The following ALG12 variants were observed in gnomAD, a reference collection of about 807,000 sequenced individuals.
ALG12 encodes ALG12 alpha-1,6-mannosyltransferase, also known as dol-P-Man:Man(7)GlcNAc(2)-PP-Dol alpha-1,6-mannosyltransferase.
Under a neutral mutation model 46.0 loss-of-function variants are expected in ALG12, and 36 were observed. The ratio of observed to expected loss-of-function variants is 0.78; its 90% CI spans 0.60 to 1.03. The LOEUF (loss-of-function observed/expected upper bound fraction) is 1.03. ALG12 is among the 50% of genes least tolerant of loss of function. The pLI is 0.00. For missense variants in ALG12, 599 were observed against 633.5 expected (o/e 0.95, Z 0.58); for synonymous variants, 326 against 291.6 (o/e 1.12, Z -1.20).
At chr22:49,879,420 C>T in the ALG12 span, among the ~76,000 whole-genome samples, 1 of 151,992 alleles carries the variant, frequency 6.6e-6, no homozygotes, top group African/African-American at 2.4e-5. Flanking sequence ...AGCCACCAAA[C>T]CCAGCCTAAT....
chr22:49,911,735 G>C (rs1366810198), intron 3 of ALG12, among the ~76,000 whole-genome samples: 2 of 152,154 alleles, frequency 1.3e-5, no homozygotes, highest in Non-Finnish European at 2.9e-5. Context: ...TGCCCAGTCT[G>C]AATGTCTTAA....
the ALG12 span, among the ~76,000 whole-genome samples, chr22:49,876,427 TTGCTTCG>T: frequency 8.5e-5 from 13 of 152,228 alleles, no homozygotes; most frequent in Non-Finnish European, 1.9e-4. Flanking sequence ...TCTCTCAGCT[TTGCTTCG>T]TGGTTTTGAA....
chr22:49,859,872 C>T, the ALG12 span, among the ~76,000 whole-genome samples: 7 of 151,744 alleles, frequency 4.6e-5, no homozygotes, highest in Non-Finnish European at 1.0e-4. Context: ...CAAAAACATA[C>T]AGAAATCAGC....
At chr22:49,886,116 C>T in the ALG12 span, 19 of 681,326 alleles carry the variant, frequency 2.8e-5, no homozygotes, top group Non-Finnish European at 4.3e-5. This position sits in a 1 kb window ranked among gnomAD's most constrained non-coding sequence, Gnocchi z 7.7. Flanking sequence ...AGACGCTGAA[C>T]GAGGGGGAGC....
Position 49,904,492 on chromosome 22 carries a change from TTA to T in ALG12, c.1005_1006del (p.Tyr335Ter). ...CCCCGCTTTGTACAGCCAAGACTTT[TTA>T]TAGTTATTCAGCCTGAAAAAAGAAT... On this transcript the variant is annotated stop_gained and frameshift_variant, in exon 8 of 10. Transcript: ENST00000330817. LOFTEE classifies it high-confidence loss of function. The T allele has an allele frequency of 1.9e-6, 3 of 1,614,176 alleles. No homozygotes were observed. Among genetic ancestry groups the T allele is most frequent in the Non-Finnish European group, 2.5e-6 (3 of 1,180,022 alleles).
chr22:49,910,546 T>C lies in ALG12; in HGVS notation c.357A>G (p.Arg119=), dbSNP rs775130897. 3.7e-6 allele frequency: 6 copies of C among 1,613,994 alleles called. No individual in the cohort carries two copies. Among genetic ancestry groups the C allele is most frequent in the African/African-American group, 1.3e-5 (1 of 74,926 alleles). Residue 119 remains arginine, a synonymous_variant, in exon 4 of 10, where the codon AGA becomes AGG. Transcript: ENST00000330817. ...FGLWTLQKEV[R]RHFGAMVATM... ...TGGCCACCATGGCCCCGAAGTGCCGTCTCACTTCCTTTTGTAACGTCCAGA... is the reference window on the plus strand; with the variant it reads ...TGGCCACCATGGCCCCGAAGTGCCGCCTCACTTCCTTTTGTAACGTCCAGA...
the ALG12 span, among the ~76,000 whole-genome samples, chr22:49,864,664 T>G: frequency 6.6e-6 from 1 of 151,628 alleles, no homozygotes; most frequent in Non-Finnish European, 1.5e-5. Context: ...AAAAAATGTT[T>G]TAAAATATTA....
At chr22:49,866,202 C>T in the ALG12 span, among the ~76,000 whole-genome samples, 2 of 152,058 alleles carry the variant, frequency 1.3e-5, no homozygotes, top group Admixed American at 6.5e-5. Flanking sequence ...TTTTCTCAGT[C>T]CCTTTCACTA....
chr22:49,863,306 C>T, the ALG12 span, among the ~76,000 whole-genome samples: 19 of 152,248 alleles, frequency 1.2e-4, no homozygotes, highest in South Asian at 2.1e-4. Context: ...ACCACAGGCA[C>T]GCATCACCAC....
the ALG12 span, chr22:49,886,092 C>T: frequency 1.8e-3 from 1,234 of 680,536 alleles, 9 homozygotes; most frequent in African/African-American, 0.018. The surrounding 1 kb of genome is among the most constrained non-coding windows in gnomAD (Gnocchi z 7.7). Context: ...TCACCGACAA[C>T]GCCAGCATCG....
At chr22:49,910,720 CA>C in intron 3 of ALG12, 113 bp from the exon 4 acceptor site, 2 of 1,274,868 alleles carry the variant, frequency 1.6e-6, no homozygotes, top group Admixed American at 3.5e-5. Context: ...TATGCTGCTG[CA>C]ATGCCAGCTG....
intron 7 of ALG12, 108 bp from the exon 8 acceptor site, chr22:49,904,614 A>G (rs905439818): frequency 2.5e-5 from 32 of 1,293,276 alleles, no homozygotes; most frequent in Non-Finnish European, 3.2e-5. Context: ...TCACCAAGTC[A>G]TAACAAAGAG....
chr22:49,917,705 C>CT (rs111244256), intron 1 of ALG12, among the ~76,000 whole-genome samples: 10,094 of 143,256 alleles, frequency 0.07, 675 homozygotes, highest in African/African-American at 0.17. Flanking sequence ...TCAGATGTTA[C>CT]TTTTTTTTTT....
Position 49,904,384 on chromosome 22 carries a change from C to G in ALG12, c.1115G>C (p.Gly372Ala). 3 of 1,614,186 alleles carry G rather than the reference C, an allele frequency of 1.9e-6. No homozygotes were observed. Among genetic ancestry groups the G allele is most frequent in the Non-Finnish European group, 2.5e-6 (3 of 1,180,042 alleles). ...ALYVSHFNYP[G>A]GVAMQRLHQL... Reference sequence around the variant, plus strand: ...GTGCAGCCTCTGCATTGCGACGCCACCTGGGTAGTTGAAATGGGACACATA... The same window carrying G: ...GTGCAGCCTCTGCATTGCGACGCCAGCTGGGTAGTTGAAATGGGACACATA... The change falls in exon 8 of 10, where the codon GGT (glycine) becomes GCT (alanine). Residue 372 changes from glycine (G) to alanine (A), a missense_variant. Transcript: ENST00000330817.
intron 1 of ALG12, among the ~76,000 whole-genome samples, chr22:49,917,882 A>G (rs1410612603): frequency 3.0e-5 from 3 of 101,682 alleles, no homozygotes; most frequent in African/African-American, 1.4e-4. Context: ...CAGCCCCCAG[A>G]GACCCTAAGT....
intron 3 of ALG12, among the ~76,000 whole-genome samples, chr22:49,912,447 C>G (rs1017576711): frequency 6.6e-6 from 1 of 152,200 alleles, no homozygotes; most frequent in Non-Finnish European, 1.5e-5. Context: ...TTCCCTGGCT[C>G]GTGGCCCCCC....
the ALG12 span, chr22:49,884,995 G>T: frequency 6.2e-7 from 1 of 1,613,382 alleles, no homozygotes; most frequent in Non-Finnish European, 8.5e-7. Context: ...TGAATCTGGC[G>T]CCATCTTCCA....
rs371655793 is a variant in ALG12 at position 49,904,274 on chromosome 22, C to G, written c.1163-20G>C. The G allele has an allele frequency of 5.8e-5, 93 of 1,613,940 alleles. 1 individual carries two copies. The highest frequency in any genetic ancestry group is 7.0e-5 in the Non-Finnish European group (83 of 1,179,968). ...GGACGTCTAGGAAAACCAGGCCTGCCGTCAGAGCCCAGCCCTGCAGTCGGA... is the reference window on the plus strand; with the variant it reads ...GGACGTCTAGGAAAACCAGGCCTGCGGTCAGAGCCCAGCCCTGCAGTCGGA... On this transcript the variant is annotated intron_variant, in intron 8 of 9. Coordinates refer to ENST00000330817, the MANE Select transcript of ALG12 (RefSeq NM_024105.4).
At chr22:49,870,490 A>AT in the ALG12 span, among the ~76,000 whole-genome samples, 3 of 150,826 alleles carry the variant, frequency 2.0e-5, no homozygotes, top group Non-Finnish European at 3.0e-5. Context: ...AGCATCTGTT[A>AT]TTTTTTTCTT....
Sources: gnomAD v4.1 joint callset for allele counts (sites outside exome capture counted in the v4.1 genomes callset) on GRCh38, gnomAD v4.1.1 for gene constraint, Gnocchi (gnomAD v3.1) non-coding constraint, MANE v1.5 for transcripts, NCBI Gene and HGNC (gene_info 2026-07-23, HGNC 2026-07-21) for gene names.